Variants in ESPN observed in about 807,000 individuals in gnomAD.
The protein encoded by ESPN is autosomal recessive deafness type 36 protein.
In ESPN, 68 loss-of-function variants were observed where a neutral mutation model predicts 77.7. The observed-to-expected ratio is 0.87, with a 90% CI of 0.72 to 1.07. The LOEUF (loss-of-function observed/expected upper bound fraction) is 1.07, where lower values mean the gene tolerates loss of function less well. Ranked by LOEUF, ESPN falls within the 50% of genes least tolerant of loss-of-function variation. The probability of loss-of-function intolerance (pLI) is 0.00; values close to 1 mark genes in which losing one functional copy is unlikely to be tolerated. For synonymous variants in ESPN, 449 were observed against 567.1 expected (o/e 0.79, Z 2.96); for missense variants, 1,060 against 1,239.0 (o/e 0.86, Z 2.17).
At chr1:6,435,544 C>T (rs1309088427) in intron 2 of ESPN, among the ~76,000 whole-genome samples, 8 of 152,244 alleles carry the variant, frequency 5.3e-5, no homozygotes, top group African/African-American at 1.9e-4. Context: ...GCGCCTCTGA[C>T]CTACAAAGAG....
At chr1:6,452,682 G>T (rs7544888) in intron 10 of ESPN, among the ~76,000 whole-genome samples, 7,363 of 152,194 alleles carry the variant, frequency 0.048, 569 homozygotes, top group African/African-American at 0.17. Context: ...TGCTGATGCT[G>T]CTGGTCCAAG....
At position 6,450,108 on chromosome 1, in the gene ESPN, C is replaced by T. The variant is rs1643918906; in HGVS notation, c.1915+1017C>T. 6.6e-6 allele frequency among the ~76,000 whole-genome samples: 1 copy of T among 152,178 alleles called. No individual in the cohort carries two copies. Among genetic ancestry groups the T allele is most frequent in the Non-Finnish European group, 1.5e-5 (1 of 68,010 alleles). On this transcript the variant is annotated intron_variant, in intron 8 of 12. Coordinates refer to ENST00000645284, the MANE Select transcript of ESPN (RefSeq NM_031475.3). This position sits in a 1 kb window ranked among gnomAD's most constrained non-coding sequence, Gnocchi z 4.3. ...AGCTAAGGGCAGAGAAAAACATACTCTGGGCTTCCCGAGACACCCTCACCC... is the reference window on the plus strand; with the variant it reads ...AGCTAAGGGCAGAGAAAAACATACTTTGGGCTTCCCGAGACACCCTCACCC...
chr1:6,459,043 C>T (rs1038456713), intron 12 of ESPN, among the ~76,000 whole-genome samples: 11 of 151,834 alleles, frequency 7.2e-5, no homozygotes, highest in Non-Finnish European at 1.5e-4. Flanking sequence ...GAGTTCAAGA[C>T]CAGCCTGACC....
chr1:6,454,409 C>T (rs1395430356), intron 10 of ESPN: 3 of 398,790 alleles, frequency 7.5e-6, no homozygotes, highest in Non-Finnish European at 8.9e-6. Flanking sequence ...CGCCTCCCTC[C>T]CCTCTCTTGT....
At chr1:6,426,147 G>C (rs765890701) in intron 1 of ESPN, among the ~76,000 whole-genome samples, 2 of 152,194 alleles carry the variant, frequency 1.3e-5, no homozygotes, top group Non-Finnish European at 2.9e-5. Context: ...GGAGATGGAA[G>C]GGGAGGAGTC....
Position 6,428,593 on chromosome 1 carries a change from C to T in ESPN, c.488+174C>T, listed in dbSNP as rs1459685493. Reference sequence around the variant, plus strand: ...CTCCCACTCAACATGAAATTTTCCCCTCCTGGAAAACCCCTTCTGGGGCTG... The same window carrying T: ...CTCCCACTCAACATGAAATTTTCCCTTCCTGGAAAACCCCTTCTGGGGCTG... On this transcript the variant is annotated intron_variant, in intron 2 of 12. Coordinates refer to ENST00000645284, the MANE Select transcript of ESPN (RefSeq NM_031475.3). The surrounding 1 kb of genome is among the most constrained non-coding windows in gnomAD (Gnocchi z 5.4). 6.6e-6 allele frequency among the ~76,000 whole-genome samples: 1 copy of T among 152,164 alleles called. No individual in the cohort carries two copies. Among genetic ancestry groups the T allele is most frequent in the Non-Finnish European group, 1.5e-5 (1 of 68,012 alleles).
intron 5 of ESPN, 45 bp from the exon 6 acceptor site, chr1:6,444,436 T>G (rs1216393666): frequency 1.9e-6 from 3 of 1,600,510 alleles, no homozygotes; most frequent in Non-Finnish European, 2.6e-6. Flanking sequence ...GAGCAACGCA[T>G]CTTGGGGTAT....
Position 6,425,380 on chromosome 1 carries a change from T to C in ESPN, c.294+131T>C. 4 of 1,200,746 alleles carry C rather than the reference T, an allele frequency of 3.3e-6. No individual in the cohort carries two copies. The South Asian group carries it at 5.5e-5, about 16-fold the overall frequency. The allele number at this position is 1,200,746 out of a possible 1,614,324, so 74.4% of individuals were successfully genotyped here. A position where few individuals can be genotyped will look rare whatever the true frequency, so the allele number is the denominator to read the frequency against. On this transcript the variant is annotated intron_variant, in intron 1 of 12. Coordinates refer to ENST00000645284, the MANE Select transcript of ESPN (RefSeq NM_031475.3). The stretch of plus-strand genomic sequence containing the variant: ...GGCCCAGCTGAACCCTGCACGGAGC[T>C]CCTTCCAGAGGCCCTCAAGTGAATG...
rs769678235 is a variant in ESPN, at chr1:6,451,731, G to A, written c.2044G>A (p.Gly682Arg). The A allele has an allele frequency of 3.0e-5, 49 of 1,612,410 alleles. No individual in the cohort carries two copies. Among genetic ancestry groups the A allele is most frequent in the Middle Eastern group, 1.7e-4 (1 of 6,016 alleles). ...GCTGACCACAGTGTTCTCAGGCATCGGGCAGCCGGCCTTCCAGGTAGGCGG... is the reference window on the plus strand; with the variant it reads ...GCTGACCACAGTGTTCTCAGGCATCAGGCAGCCGGCCTTCCAGGTAGGCGG... Reference protein sequence around the residue: ...KGLTTVFSGIGQPAFQPDSPL... With the variant: ...KGLTTVFSGIRQPAFQPDSPL... The change falls in exon 9 of 13, where the codon GGG becomes AGG. Residue 682 changes from glycine (G) to arginine (R), a missense_variant. This residue lies in a region of ESPN where 374 missense variants were observed against 381.4 expected (regional missense o/e 0.98). Transcript: ENST00000645284. This position sits in a 1 kb window ranked among gnomAD's most constrained non-coding sequence, Gnocchi z 4.3.
intron 2 of ESPN, among the ~76,000 whole-genome samples, chr1:6,433,656 G>A (rs1388738775): frequency 6.6e-6 from 1 of 150,928 alleles, no homozygotes; most frequent in Non-Finnish European, 1.5e-5. Context: ...ACCACTGACA[G>A]GGAAGGCTGC....
Position 6,451,531 on chromosome 1 carries a change from A to G in ESPN, c.1916-72A>G. 6.4e-7 allele frequency: 1 copy of G among 1,570,522 alleles called. No individual in the cohort carries two copies. The highest frequency in any genetic ancestry group is 8.6e-7 in the Non-Finnish European group (1 of 1,156,194). On this transcript the variant is annotated intron_variant, in intron 8 of 12. Transcript: ENST00000645284. This position sits in a 1 kb window ranked among gnomAD's most constrained non-coding sequence, Gnocchi z 4.3. ...AATCTTGGCTTAGGAAAGGGGCTGC[A>G]GAGGGGCGGGTGAGGGGTGGCGGGG...
At position 6,428,987 on chromosome 1, in the gene ESPN, C is replaced by T. The variant is rs898847484; in HGVS notation, c.488+568C>T. Among the ~76,000 whole-genome samples, 1 of 152,046 alleles carries T rather than the reference C, an allele frequency of 6.6e-6. No individual in the cohort carries two copies. Among genetic ancestry groups the T allele is most frequent in the African/African-American group, 2.4e-5 (1 of 41,418 alleles). The stretch of plus-strand genomic sequence containing the variant: ...TCTCCTGTGGCCCCTCAGCCCGTTC[C>T]TACTATCAAGGGAAGCATGGGGATC... On this transcript the variant is annotated intron_variant, in intron 2 of 12. Coordinates refer to ENST00000645284, the MANE Select transcript of ESPN (RefSeq NM_031475.3). The surrounding 1 kb of genome is among the most constrained non-coding windows in gnomAD (Gnocchi z 5.4).
intron 10 of ESPN, chr1:6,455,447 C>T: frequency 2.5e-6 from 1 of 396,302 alleles, no homozygotes; most frequent in Admixed American, 4.4e-5. Flanking sequence ...ACAGCGAGGC[C>T]CACAGCCCCG....
rs1643937386 is a variant in ESPN, at chr1:6,451,185, T to C, written c.1916-418T>C. The C allele has an allele frequency of 3.0e-6, 1 of 335,554 alleles. No homozygotes were observed. Among genetic ancestry groups the C allele is most frequent in the Non-Finnish European group, 5.8e-6 (1 of 173,470 alleles). The allele number at this position is 335,554 out of a possible 1,614,324, so 20.8% of individuals were successfully genotyped here. A position where few individuals can be genotyped will look rare whatever the true frequency, so the allele number is the denominator to read the frequency against. On this transcript the variant is annotated intron_variant, in intron 8 of 12. Coordinates refer to ENST00000645284, the MANE Select transcript of ESPN (RefSeq NM_031475.3). The surrounding 1 kb of genome is among the most constrained non-coding windows in gnomAD (Gnocchi z 4.3). ...AGTTCAAGGGTCACTGAGGCTTTGC[T>C]GATGTAGGGAGAGGGCCAGAGGGAG... is the stretch of plus-strand genomic sequence containing the variant.
chr1:6,455,673 G>C (rs1046211280), intron 10 of ESPN: 1 of 398,986 alleles, frequency 2.5e-6, no homozygotes, highest in Admixed American at 4.4e-5. Flanking sequence ...CCAGCTACTC[G>C]AGATGGGCCT....
Position 6,450,172 on chromosome 1 carries a change from C to A in ESPN, c.1915+1081C>A, listed in dbSNP as rs1336946778. Among the ~76,000 whole-genome samples, 1 of 152,110 alleles carries A rather than the reference C, an allele frequency of 6.6e-6. No individual in the cohort carries two copies. Among genetic ancestry groups the A allele is most frequent in the Admixed American group, 6.5e-5 (1 of 15,276 alleles). The stretch of plus-strand genomic sequence containing the variant: ...CTGGGTGCCCTACCCCAACCCAGTG[C>A]CAAGGTGGAGGCCCTTGCTAGGGGC... On this transcript the variant is annotated intron_variant, in intron 8 of 12. Transcript: ENST00000645284. This position sits in a 1 kb window ranked among gnomAD's most constrained non-coding sequence, Gnocchi z 4.3.
At chr1:6,430,995 C>T (rs1011513889) in intron 2 of ESPN, among the ~76,000 whole-genome samples, 2 of 152,084 alleles carry the variant, frequency 1.3e-5, no homozygotes, top group African/African-American at 2.4e-5. Flanking sequence ...GCCCCAAGGC[C>T]GGTGGCCATC....
chr1:6,460,288 G>GC lies in ESPN; in HGVS notation c.*148dup, dbSNP rs931020982. On this transcript the variant is annotated 3_prime_UTR_variant, in exon 13 of 13. Coordinates refer to ENST00000645284, the MANE Select transcript of ESPN (RefSeq NM_031475.3). ...GAAACCCTCCCTGACCCCCACCCTG[G>GC]CCCCCCGTATCCCCAGCCCTTGGCA... 7 of 1,090,596 alleles carry GC rather than the reference G, an allele frequency of 6.4e-6. No homozygotes were observed. The East Asian group carries it at 7.9e-5, about 12-fold the overall frequency. 67.6% of individuals were successfully genotyped at this position (1,090,596 alleles called of 1,614,324 possible). A position where few individuals can be genotyped will look rare whatever the true frequency, so the allele number is the denominator to read the frequency against.
rs1235697187 is a variant in ESPN at position 6,441,055 on chromosome 1, T to C, written c.980T>C (p.Val327Ala). The change falls in exon 5 of 13, where the codon GTG becomes GCG. Residue 327 changes from valine to alanine, a missense_variant. Val to Ala is a moderately conservative substitution (Grantham distance 64). Around this residue, in one of 3 missense-constraint regions of ESPN, gnomAD observed 556 missense variants for 633.6 expected, o/e 0.88. Coordinates refer to ENST00000645284, the MANE Select transcript of ESPN (RefSeq NM_031475.3). ...HSHCTRYLRT[V>A]ENLSVEHRVL... ...CACTGCACCCGCTACCTGCGCACGG[T>C]GGAGAACCTGGTACGATCCCTGAGC... The C allele has an allele frequency of 1.2e-6, 2 of 1,611,090 alleles. No homozygotes were observed. The highest frequency in any genetic ancestry group is 1.7e-6 in the Non-Finnish European group (2 of 1,179,456).
Sources: gnomAD v4.1 joint callset for allele counts (sites outside exome capture counted in the v4.1 genomes callset) on GRCh38, gnomAD v4.1.1 for gene constraint, gnomAD v4.1.1 regional missense constraint, Gnocchi (gnomAD v3.1) non-coding constraint, MANE v1.5 for transcripts, NCBI Gene and HGNC (gene_info 2026-07-23, HGNC 2026-07-21) for gene names.